Variants in RPS6KA5 observed in about 807,000 individuals in gnomAD.
RPS6KA5 encodes the protein ribosomal protein S6 kinase A5.
In RPS6KA5, 27 loss-of-function variants were observed where a neutral mutation model predicts 85.5. That is an observed-to-expected ratio of 0.32 (90% CI 0.23 to 0.44). The LOEUF is 0.44. RPS6KA5 is among the 20% of genes least tolerant of loss of function. The probability of loss-of-function intolerance (pLI) is 1.00; values close to 1 mark genes in which losing one functional copy is unlikely to be tolerated. For missense variants in RPS6KA5, 811 were observed against 980.9 expected (o/e 0.83, Z 2.31); for synonymous variants, 334 against 348.2 (o/e 0.96, Z 0.46).
At chr14:90,986,424 G>A (rs1262146275) in intron 2 of RPS6KA5, among the ~76,000 whole-genome samples, 2 of 151,216 alleles carry the variant, frequency 1.3e-5, no homozygotes, top group East Asian at 1.9e-4. Context: ...TTTCAATCTG[G>A]TAAACATGAT....
At chr14:90,904,587 A>AT (rs1261357430) in intron 8 of RPS6KA5, among the ~76,000 whole-genome samples, 8 of 152,158 alleles carry the variant, frequency 5.3e-5, no homozygotes, top group Non-Finnish European at 7.3e-5. Flanking sequence ...GTGCTTGGCC[A>AT]TTGTATATAT....
At chr14:91,034,694 T>A (rs1311062139) in intron 1 of RPS6KA5, among the ~76,000 whole-genome samples, 1 of 152,228 alleles carries the variant, frequency 6.6e-6, no homozygotes, top group Non-Finnish European at 1.5e-5. Context: ...TGTGGAAGCC[T>A]TGTTCTTTCA....
In RPS6KA5 at chr14:91,023,867, T is replaced by C. The variant is rs138783219; in HGVS notation, c.104-22708A>G. ...GAAGTCTAATAGTATTAATAGGATATATCTCAGAGCTGTTTGTTATGAGAA... is the reference window on the plus strand; with the variant it reads ...GAAGTCTAATAGTATTAATAGGATACATCTCAGAGCTGTTTGTTATGAGAA... On this transcript the variant is annotated intron_variant, in intron 1 of 16. Transcript: ENST00000614987. Among the ~76,000 whole-genome samples the C allele has an allele frequency of 2.6e-4, 39 of 152,366 alleles. No homozygotes were observed. The East Asian group carries it at 5.0e-3, about 20-fold the overall frequency.
At chr14:91,008,761 GACTA>G (rs1290643600) in intron 1 of RPS6KA5, among the ~76,000 whole-genome samples, 2 of 152,210 alleles carry the variant, frequency 1.3e-5, no homozygotes, top group East Asian at 3.8e-4. Flanking sequence ...TGGAATGCCA[GACTA>G]ACTAGTTTTA....
Position 90,856,599 on chromosome 14 carries a change from G to A in RPS6KA5, c.*15475C>T, listed in dbSNP as rs2032298592. 6.6e-6 allele frequency: 1 copy of A among 152,180 alleles called. No homozygotes were observed. The highest frequency in any genetic ancestry group is 1.5e-5 in the Non-Finnish European group (1 of 68,076). 9.4% of individuals were successfully genotyped at this position (152,180 alleles called of 1,614,324 possible). On this transcript the variant is annotated 3_prime_UTR_variant, in exon 17 of 17. Coordinates refer to ENST00000614987, the MANE Select transcript of RPS6KA5 (RefSeq NM_004755.4). ...GCTGTTCTCCAACTCCTGACCTCAG[G>A]TGATCCACCCGTCTCGGCCTCCCAA... is the stretch of plus-strand genomic sequence containing the variant.
At chr14:90,888,912 C>T (rs1286254) in intron 14 of RPS6KA5, among the ~76,000 whole-genome samples, 92,030 of 152,012 alleles carry the variant, frequency 0.61, 28,089 homozygotes, top group Middle Eastern at 0.69. Context: ...CCAATATTAA[C>T]GTCAAAGAAT....
At chr14:90,952,956 C>T (rs982837273) in intron 3 of RPS6KA5, among the ~76,000 whole-genome samples, 6 of 152,202 alleles carry the variant, frequency 3.9e-5, no homozygotes, top group Non-Finnish European at 7.3e-5. Context: ...GGGAGCTCCA[C>T]TGTAGTAAAT....
chr14:90,899,496 T>C, intron 11 of RPS6KA5, 74 bp from the exon 12 acceptor site: 3 of 952,000 alleles, frequency 3.2e-6, no homozygotes, highest in Admixed American at 1.9e-5. Flanking sequence ...CCAAGACTAA[T>C]TTTGTCTTAT....
chr14:90,913,962 C>T (rs776598023), intron 7 of RPS6KA5, among the ~76,000 whole-genome samples: 13 of 152,202 alleles, frequency 8.5e-5, no homozygotes, highest in Non-Finnish European at 1.6e-4. Flanking sequence ...AATGATGAGA[C>T]CTTCTTTGGG....
intron 8 of RPS6KA5, among the ~76,000 whole-genome samples, chr14:90,905,238 TAAC>T (rs779812375): frequency 6.6e-6 from 1 of 152,066 alleles, no homozygotes; most frequent in Admixed American, 6.5e-5. Flanking sequence ...TAAAAAATAA[TAAC>T]AACATGAAGC....
chr14:90,928,542 A>C (rs1482869512), intron 5 of RPS6KA5, among the ~76,000 whole-genome samples: 1 of 151,898 alleles, frequency 6.6e-6, no homozygotes, highest in African/African-American at 2.4e-5. Flanking sequence ...GTAATTTAAA[A>C]TAAAACATTA....
intron 1 of RPS6KA5, among the ~76,000 whole-genome samples, chr14:91,033,696 T>C (rs2042285060): frequency 6.6e-6 from 1 of 152,198 alleles, no homozygotes; most frequent in South Asian, 2.1e-4. Flanking sequence ...TAAAACTATT[T>C]TGAGATAAAA....
At chr14:91,018,287 T>C (rs563992874) in intron 1 of RPS6KA5, among the ~76,000 whole-genome samples, 2 of 152,358 alleles carry the variant, frequency 1.3e-5, no homozygotes, top group South Asian at 2.1e-4. Flanking sequence ...TATATTAATA[T>C]ATGTACTAAT....
chr14:90,960,658 G>A (rs1314877786), intron 3 of RPS6KA5, among the ~76,000 whole-genome samples: 1 of 152,204 alleles, frequency 6.6e-6, no homozygotes, highest in Admixed American at 6.5e-5. Context: ...TAGAATTTAC[G>A]GTCCAATCTA....
chr14:90,876,431 T>G lies in RPS6KA5; in HGVS notation c.1837-1071A>C, dbSNP rs1349787469. On this transcript the variant is annotated intron_variant, in intron 14 of 16. Coordinates refer to ENST00000614987, the MANE Select transcript of RPS6KA5 (RefSeq NM_004755.4). ...ATACAGTGAATTATCTACAGCCACC[T>G]GTTTTCATTGTAGCCATATGTTTGA... 2.0e-5 allele frequency among the ~76,000 whole-genome samples: 3 copies of G among 152,266 alleles called. No individual in the cohort carries two copies. In the East Asian group the frequency reaches 5.8e-4, roughly 29 times the overall value.
chr14:90,993,229 C>T (rs1035520594), intron 2 of RPS6KA5, among the ~76,000 whole-genome samples: 1 of 152,140 alleles, frequency 6.6e-6, no homozygotes, highest in African/African-American at 2.4e-5. Flanking sequence ...ATCATGAGGT[C>T]AGGAGTTCGA....
At chr14:90,882,019 CTA>C (rs1438404986) in intron 14 of RPS6KA5, among the ~76,000 whole-genome samples, 2 of 152,260 alleles carry the variant, frequency 1.3e-5, no homozygotes, top group East Asian at 1.9e-4. Context: ...TGTCATTTTG[CTA>C]TGTGTTTTCT....
At chr14:90,909,046 T>A (rs1021232615) in intron 7 of RPS6KA5, among the ~76,000 whole-genome samples, 5 of 152,244 alleles carry the variant, frequency 3.3e-5, no homozygotes, top group African/African-American at 1.2e-4. Flanking sequence ...TGCATCCTTA[T>A]ATAAAGCTAA....
chr14:90,880,580 T>G (rs949943369), intron 14 of RPS6KA5, among the ~76,000 whole-genome samples: 5 of 152,214 alleles, frequency 3.3e-5, no homozygotes, highest in African/African-American at 1.2e-4. Context: ...TTAGATCTAG[T>G]TGGTTAAGTC....
Sources: allele counts gnomAD v4.1 joint callset (sites outside exome capture counted in the v4.1 genomes callset), GRCh38; gene constraint gnomAD v4.1.1; transcripts MANE v1.5; gene names NCBI Gene and HGNC (gene_info 2026-07-23, HGNC 2026-07-21).